The following ABCA13 variants were observed in gnomAD, a reference collection of about 807,000 sequenced individuals.
The protein encoded by ABCA13 is ATP-binding cassette sub-family A member 13.
A neutral mutation model predicts 478.7 loss-of-function variants in ABCA13; 476 were observed. The ratio of observed to expected loss-of-function variants is 0.99; its 90% CI spans 0.92 to 1.07. The LOEUF (loss-of-function observed/expected upper bound fraction) is 1.07, where lower values mean the gene tolerates loss of function less well. Among genes scored for constraint, ABCA13 ranks in the 50% least tolerant of loss-of-function variants. The pLI is 0.00. For synonymous variants in ABCA13, 2,252 were observed against 2,158.9 expected, an observed-to-expected ratio of 1.04 and a Z score of -1.20; for missense variants, 6,060 against 5,910.6, an observed-to-expected ratio of 1.03 and a Z score of -0.83.
chr7:48,461,788 C>CA (rs1278656903), intron 43 of ABCA13, among the ~76,000 whole-genome samples: 1 of 152,132 alleles, frequency 6.6e-6, no homozygotes, highest in Non-Finnish European at 1.5e-5. Context: ...ACAGTGAACT[C>CA]ACAGATGTTG....
chr7:48,522,889 G>A (rs1832652130), intron 53 of ABCA13, among the ~76,000 whole-genome samples: 1 of 151,898 alleles, frequency 6.6e-6, no homozygotes, highest in Non-Finnish European at 1.5e-5. Flanking sequence ...CAGGCAGGAG[G>A]GAATACAGTG....
intron 42 of ABCA13, among the ~76,000 whole-genome samples, chr7:48,441,520 T>C (rs967212950): frequency 6.6e-6 from 1 of 152,090 alleles, no homozygotes; most frequent in African/African-American, 2.4e-5. Context: ...AAATAAAATA[T>C]AAAATATATA....
rs1353487899 is a variant in ABCA13, at chr7:48,481,163, A to G, written c.13094+9A>G. 1 of 1,541,972 alleles carries G rather than the reference A, an allele frequency of 6.5e-7. No individual in the cohort carries two copies. The highest frequency in any genetic ancestry group is 1.9e-5 in the Admixed American group (1 of 53,372). On this transcript the variant is annotated intron_variant, in intron 46 of 61. Coordinates refer to ENST00000435803, the MANE Select transcript of ABCA13 (RefSeq NM_152701.5). ...CCATCTGAAAAACCAAGGTGTGTTC[A>G]ATACTCTTGTTGGGTCTTTACTTGT...
intron 7 of ABCA13, among the ~76,000 whole-genome samples, chr7:48,231,745 T>A (rs1789119023): frequency 6.6e-6 from 1 of 152,146 alleles, no homozygotes; most frequent in African/African-American, 2.4e-5. Context: ...CATTGCAACC[T>A]CTGCCTCCTG....
At chr7:48,214,012 A>G (rs1202568865) in intron 3 of ABCA13, among the ~76,000 whole-genome samples, 1 of 152,210 alleles carries the variant, frequency 6.6e-6, no homozygotes, top group East Asian at 1.9e-4. Context: ...TTGAATCACT[A>G]TCTATGACTC....
chr7:48,316,302 C>T (rs945892666), intron 26 of ABCA13, among the ~76,000 whole-genome samples: 3 of 152,166 alleles, frequency 2.0e-5, no homozygotes, highest in Non-Finnish European at 4.4e-5. Context: ...ACTTGTAAAG[C>T]TAACTTCATA....
At chr7:48,642,779 G>A (rs1795189594) in intron 59 of ABCA13, among the ~76,000 whole-genome samples, 1 of 152,176 alleles carries the variant, frequency 6.6e-6, no homozygotes. Flanking sequence ...TTCCTTTGCA[G>A]TCATAGGGCC....
intron 23 of ABCA13, among the ~76,000 whole-genome samples, chr7:48,306,853 T>C (rs1800975415): frequency 6.6e-6 from 1 of 152,272 alleles, no homozygotes; most frequent in Non-Finnish European, 1.5e-5. Context: ...ATGCGGGTAT[T>C]TTTTAGATGA....
At chr7:48,269,167 G>A (rs1795265241) in intron 16 of ABCA13, 73 bp downstream of exon 16, 1 of 787,636 alleles carries the variant, frequency 1.3e-6, no homozygotes, top group Non-Finnish European at 2.1e-6. Flanking sequence ...CTAATTATAG[G>A]ATATGCACTC....
At chr7:48,574,969 G>A (rs1563456738) in intron 55 of ABCA13, among the ~76,000 whole-genome samples, 1 of 152,062 alleles carries the variant, frequency 6.6e-6, no homozygotes, top group Non-Finnish European at 1.5e-5. Context: ...CACATGGATG[G>A]TATATTTGAA....
At chr7:48,400,044 C>CT (rs59778865) in intron 38 of ABCA13, among the ~76,000 whole-genome samples, 4,975 of 146,958 alleles carry the variant, frequency 0.034, 126 homozygotes, top group African/African-American at 0.079. Context: ...GTGCTTTCCT[C>CT]TTTTTTTTTT....
chr7:48,479,554 G>C (rs993211405), intron 45 of ABCA13, among the ~76,000 whole-genome samples: 2 of 152,092 alleles, frequency 1.3e-5, no homozygotes, highest in African/African-American at 4.8e-5. Flanking sequence ...CAATTTTCAA[G>C]GTACAATACA....
intron 55 of ABCA13, among the ~76,000 whole-genome samples, chr7:48,541,421 G>A (rs1399672500): frequency 1.3e-5 from 2 of 152,174 alleles, no homozygotes; most frequent in East Asian, 1.9e-4. Flanking sequence ...ATGATTTACT[G>A]TGTCTCTCTT....
rs529678080 is a variant in ABCA13 at position 48,376,682 on chromosome 7, G to A, written c.11335+110G>A. 49 of 1,223,016 alleles carry A rather than the reference G, an allele frequency of 4.0e-5. No homozygotes were observed. In the African/African-American group the frequency reaches 7.4e-4, roughly 18 times the overall value. 75.8% of individuals were successfully genotyped at this position (1,223,016 alleles called of 1,614,324 possible). ...TATTCTTTAAGGAAGATCCAGAAAG[G>A]GAAGTCTTAGGATATATATTTAAAA... On this transcript the variant is annotated intron_variant, in intron 35 of 61. Transcript: ENST00000435803.
intron 3 of ABCA13, among the ~76,000 whole-genome samples, chr7:48,202,310 AC>A (rs1477324404): frequency 6.6e-6 from 1 of 152,196 alleles, no homozygotes; most frequent in East Asian, 1.9e-4. Flanking sequence ...TGAGCTAGAC[AC>A]AAAGGTTCTC....
chr7:48,523,336 G>A (rs71537792), intron 53 of ABCA13, among the ~76,000 whole-genome samples: 12,768 of 152,028 alleles, frequency 0.084, 928 homozygotes, highest in African/African-American at 0.2. Context: ...GGGGATACTG[G>A]GAGCTTGCCA....
At chr7:48,221,649 C>A (rs933539506) in intron 5 of ABCA13, among the ~76,000 whole-genome samples, 1 of 152,144 alleles carries the variant, frequency 6.6e-6, no homozygotes, top group African/African-American at 2.4e-5. Flanking sequence ...GCGGTGACTC[C>A]CTCGAGGCAC....
intron 3 of ABCA13, among the ~76,000 whole-genome samples, chr7:48,210,256 G>A (rs988322177): frequency 2.6e-5 from 4 of 152,010 alleles, no homozygotes; most frequent in Admixed American, 1.3e-4. Context: ...TTATAAAACC[G>A]CCGGATCTCA....
chr7:48,253,978 T>C (rs1438885386), intron 15 of ABCA13, among the ~76,000 whole-genome samples: 1 of 151,904 alleles, frequency 6.6e-6, no homozygotes, highest in African/African-American at 2.4e-5. Flanking sequence ...ATGTTTCTTC[T>C]TTTTTCTATA....
Sources: gnomAD v4.1 joint callset for allele counts (sites outside exome capture counted in the v4.1 genomes callset) on GRCh38, gnomAD v4.1.1 for gene constraint, MANE v1.5 for transcripts, NCBI Gene and HGNC (gene_info 2026-07-23, HGNC 2026-07-21) for gene names.